The following SCOC variants were observed in gnomAD, a reference collection of about 807,000 sequenced individuals.
SCOC encodes the protein short coiled-coil protein.
In SCOC, 7 loss-of-function variants were observed where a neutral mutation model predicts 9.9. That is an observed-to-expected ratio of 0.71 (90% CI 0.40 to 1.33). The LOEUF is 1.33. Among genes scored for constraint, SCOC ranks in the 40% most tolerant of loss-of-function variants. SCOC has a pLI of 0.01. For missense variants in SCOC, 66 were observed against 89.7 expected (o/e 0.74, Z 1.07); for synonymous variants, 19 against 28.2 (o/e 0.67, Z 1.03).
At position 140,379,555 on chromosome 4, in the gene SCOC, C is replaced by A; in HGVS notation, c.23-14C>A. On this transcript the variant is annotated splice_polypyrimidine_tract_variant and intron_variant, in intron 2 of 3. Transcript: ENST00000608372. ...AATGCTAATTAATAGTAAATTTGAA[C>A]CTTTATATTACAGCAGTTGATGCTG... 1 of 1,591,904 alleles carries A rather than the reference C, an allele frequency of 6.3e-7. No individual in the cohort carries two copies. The highest frequency in any genetic ancestry group is 2.2e-5 in the East Asian group (1 of 44,650).
chr4:140,287,945 C>G (rs1031259210), intron 1 of SCOC, among the ~76,000 whole-genome samples: 15 of 151,942 alleles, frequency 9.9e-5, no homozygotes, highest in African/African-American at 3.6e-4. Context: ...TGTGTGTGGG[C>G]ACATGCATAC....
At chr4:140,267,009 C>T (rs973746981) in intron 1 of SCOC, among the ~76,000 whole-genome samples, 5 of 152,036 alleles carry the variant, frequency 3.3e-5, no homozygotes, top group African/African-American at 1.2e-4. Flanking sequence ...TTGAATTGGG[C>T]CTATCATGAG....
chr4:140,267,375 C>T (rs1162798827), intron 1 of SCOC, among the ~76,000 whole-genome samples: 2 of 152,160 alleles, frequency 1.3e-5, no homozygotes, highest in African/African-American at 2.4e-5. Flanking sequence ...TGGATGTGTG[C>T]AGGGGCCTGG....
At chr4:140,336,667 T>C (rs1304288895) in intron 1 of SCOC, among the ~76,000 whole-genome samples, 2 of 152,216 alleles carry the variant, frequency 1.3e-5, no homozygotes, top group Non-Finnish European at 2.9e-5. Context: ...TTGGCTACTA[T>C]AAATAATGCT....
intron 1 of SCOC, among the ~76,000 whole-genome samples, chr4:140,259,373 C>A (rs958547078): frequency 6.6e-6 from 1 of 152,138 alleles, no homozygotes; most frequent in Admixed American, 6.6e-5. Flanking sequence ...CATGTGTGGT[C>A]CATTGCAATA....
At chr4:140,366,805 G>A in intron 2 of SCOC, 4 of 1,114,748 alleles carry the variant, frequency 3.6e-6, no homozygotes, top group Non-Finnish European at 5.5e-6. Context: ...TCTGGCACGA[G>A]GTCCAGAGGG....
chr4:140,300,432 TC>T lies in SCOC; in HGVS notation c.-19+43027del, dbSNP rs1251826766. 2.0e-5 allele frequency among the ~76,000 whole-genome samples: 3 copies of T among 152,144 alleles called. No homozygotes were observed. The East Asian group carries it at 5.8e-4, about 29-fold the overall frequency. On this transcript the variant is annotated intron_variant, in intron 1 of 4. Coordinates refer to the SCOC transcript ENST00000394205. ...GCAATAGCAGTCACAGCTAGGCTTC[TC>T]CCCCAGGTACTCCCCAGTGCCTGGC...
intron 1 of SCOC, among the ~76,000 whole-genome samples, chr4:140,334,300 GTCT>G (rs1259108287): frequency 6.6e-6 from 1 of 152,142 alleles, no homozygotes; most frequent in East Asian, 1.9e-4. Context: ...CCAGACTGAT[GTCT>G]TCTAAGAGAA....
intron 1 of SCOC, among the ~76,000 whole-genome samples, chr4:140,275,074 G>A (rs1190550787): frequency 1.3e-5 from 2 of 152,180 alleles, no homozygotes; most frequent in Admixed American, 6.5e-5. Context: ...TGGATAAAAC[G>A]TAATCGTAGG....
upstream of SCOC, among the ~76,000 whole-genome samples, chr4:140,370,781 AT>A (rs1290213752): frequency 6.6e-6 from 1 of 152,014 alleles, no homozygotes; most frequent in East Asian, 1.9e-4. Context: ...GAAGGTAAAC[AT>A]TTTTTAAAAA....
chr4:140,344,792 T>C (rs906066493), intron 2 of SCOC, among the ~76,000 whole-genome samples: 48 of 152,252 alleles, frequency 3.2e-4, no homozygotes, highest in African/African-American at 1.1e-3. Context: ...GGGAAACCCA[T>C]GTTTCTTAGC....
intron 2 of SCOC, among the ~76,000 whole-genome samples, chr4:140,346,551 G>T (rs1726749130): frequency 6.6e-6 from 1 of 152,148 alleles, no homozygotes; most frequent in Non-Finnish European, 1.5e-5. Context: ...GAGAAGGTTT[G>T]TTTGAGGAAA....
chr4:140,371,195 A>G (rs982193469), upstream of SCOC, among the ~76,000 whole-genome samples: 1 of 152,000 alleles, frequency 6.6e-6, no homozygotes, highest in Non-Finnish European at 1.5e-5. Flanking sequence ...TGAATTCTTT[A>G]TATTTTGAGA....
At position 140,384,948 on chromosome 4, in the gene SCOC, A is replaced by G. The variant is rs879906908; in HGVS notation, c.*3844A>G. On this transcript the variant is annotated 3_prime_UTR_variant, in exon 4 of 4. Transcript: ENST00000608372. ...CCCCAGAGAGCTCTCTTTCTGCCAC[A>G]TAGAAGACAGCAGTCTGCATCTTGG... 15 of 152,212 alleles carry G rather than the reference A, an allele frequency of 9.9e-5. No homozygotes were observed. The highest frequency in any genetic ancestry group is 9.8e-4 in the Admixed American group (15 of 15,274). 9.4% of individuals were successfully genotyped at this position (152,212 alleles called of 1,614,324 possible).
At chr4:140,263,252 G>T (rs758119963) in intron 1 of SCOC, among the ~76,000 whole-genome samples, 1 of 152,140 alleles carries the variant, frequency 6.6e-6, no homozygotes, top group Non-Finnish European at 1.5e-5. Flanking sequence ...TACTTGCTTG[G>T]CAATGATGTT....
At chr4:140,344,396 G>A (rs1726629219) in intron 2 of SCOC, among the ~76,000 whole-genome samples, 1 of 152,162 alleles carries the variant, frequency 6.6e-6, no homozygotes, top group South Asian at 2.1e-4. Flanking sequence ...TATGAAGCCA[G>A]CAAGACTGCA....
chr4:140,346,816 C>T (rs1726760789), intron 2 of SCOC, among the ~76,000 whole-genome samples: 1 of 152,148 alleles, frequency 6.6e-6, no homozygotes, highest in South Asian at 2.1e-4. Flanking sequence ...AACTGTGTGC[C>T]AAGATGCTCC....
upstream of SCOC, among the ~76,000 whole-genome samples, chr4:140,340,780 TAAC>T (rs1189476729): frequency 2.3e-5 from 3 of 131,220 alleles, no homozygotes; most frequent in Non-Finnish European, 4.8e-5. Context: ...CAATGCTGCC[TAAC>T]TTTTTTTTTT....
At chr4:140,373,876 G>A in intron 1 of SCOC, 159 bp downstream of exon 1, 2 of 807,450 alleles carry the variant, frequency 2.5e-6, no homozygotes, top group Non-Finnish European at 4.1e-6. Context: ...GGTGGGCGGC[G>A]GAGGCCTGGC....
Sources: gnomAD v4.1 joint callset for allele counts (sites outside exome capture counted in the v4.1 genomes callset) on GRCh38, gnomAD v4.1.1 for gene constraint, MANE v1.5 for transcripts, NCBI Gene and HGNC (gene_info 2026-07-23, HGNC 2026-07-21) for gene names.